The following GABRA2 variants were observed in gnomAD, a reference collection of about 807,000 sequenced individuals.
GABRA2 encodes the protein gamma-aminobutyric acid receptor subunit alpha-2.
Under a neutral mutation model 48.7 loss-of-function variants are expected in GABRA2, and 16 were observed. The observed-to-expected ratio is 0.33, with a 90% CI of 0.22 to 0.50. GABRA2 has a LOEUF of 0.50. GABRA2 is among the 20% of genes least tolerant of loss of function. The probability of loss-of-function intolerance (pLI) is 0.98; values close to 1 mark genes in which losing one functional copy is unlikely to be tolerated. For missense variants in GABRA2, 275 were observed against 535.6 expected (o/e 0.51, Z 4.80); for synonymous variants, 185 against 184.5 (o/e 1.00, Z -0.02).
Position 46,249,780 on chromosome 4 carries a change from G to A in GABRA2, c.*528C>T, listed in dbSNP as rs1714364551. The A allele has an allele frequency of 6.5e-6, 1 of 153,482 alleles. No individual in the cohort carries two copies. Among genetic ancestry groups the A allele is most frequent in the African/African-American group, 2.4e-5 (1 of 41,330 alleles). The allele number at this position is 153,482 out of a possible 1,614,324, so 9.5% of individuals were successfully genotyped here. On this transcript the variant is annotated 3_prime_UTR_variant, in exon 10 of 10. Coordinates refer to ENST00000381620, the MANE Select transcript of GABRA2 (RefSeq NM_000807.4). ...TAGATACTATATAGAGTAATTCATA[G>A]CTGATTTCAAATCTCTAGTTTTTCT...
At position 46,248,428 on chromosome 4, in the gene GABRA2, G is replaced by A; in HGVS notation, c.*1880C>T. On this transcript the variant is annotated 3_prime_UTR_variant, in exon 10 of 10. Coordinates refer to ENST00000381620, the MANE Select transcript of GABRA2 (RefSeq NM_000807.4). ...TGACAAAGAAAGTGTTACTGGAAGG[G>A]AATTAAAGAAATACATTTATTGGCT... The A allele has an allele frequency of 6.6e-6, 1 of 151,438 alleles. No homozygotes were observed. The highest frequency in any genetic ancestry group is 3.4e-3 in the Middle Eastern group (1 of 294). 9.4% of individuals were successfully genotyped at this position (151,438 alleles called of 1,614,324 possible). A position where few individuals can be genotyped will look rare whatever the true frequency, so the allele number is the denominator to read the frequency against.
At chr4:46,316,164 C>T (rs1653869989) in intron 4 of GABRA2, among the ~76,000 whole-genome samples, 1 of 151,852 alleles carries the variant, frequency 6.6e-6, no homozygotes, top group Admixed American at 6.6e-5. Context: ...TTTTCCTCAT[C>T]CTTATTTTTC....
At chr4:46,305,514 T>A (rs548767554) in intron 7 of GABRA2, 54 bp downstream of exon 7, 1 of 1,540,234 alleles carries the variant, frequency 6.5e-7, no homozygotes, top group South Asian at 1.2e-5. Flanking sequence ...TCCAAGTCCT[T>A]TAACCTATTA....
chr4:46,252,783 T>G (rs1179874154), intron 9 of GABRA2, among the ~76,000 whole-genome samples: 2 of 151,514 alleles, frequency 1.3e-5, no homozygotes, highest in Non-Finnish European at 3.0e-5. Context: ...TCATTTAAAA[T>G]GATATCAGAT....
At chr4:46,277,235 G>A (rs1036547128) in intron 8 of GABRA2, among the ~76,000 whole-genome samples, 1 of 152,070 alleles carries the variant, frequency 6.6e-6, no homozygotes, top group African/African-American at 2.4e-5. Context: ...AATGTATTTT[G>A]CTTCAGACAC....
At chr4:46,261,070 T>C (rs1354369808) in intron 9 of GABRA2, 2 of 151,892 alleles carry the variant, frequency 1.3e-5, no homozygotes, top group African/African-American at 4.8e-5. Context: ...TACAACTTTT[T>C]ACCATTATTA....
intron 3 of GABRA2, among the ~76,000 whole-genome samples, chr4:46,384,450 C>G (rs1232057182): frequency 6.6e-6 from 1 of 152,086 alleles, no homozygotes; most frequent in Non-Finnish European, 1.5e-5. Context: ...CAAGATTTTA[C>G]AAAAGAAATA....
intron 3 of GABRA2, among the ~76,000 whole-genome samples, chr4:46,341,276 A>AT (rs1461844880): frequency 6.6e-6 from 1 of 151,904 alleles, no homozygotes; most frequent in African/African-American, 2.4e-5. Context: ...TATGGAACAT[A>AT]TTTTCCTGTT....
intron 8 of GABRA2, among the ~76,000 whole-genome samples, chr4:46,285,014 G>A (rs1365126703): frequency 1.6e-5 from 2 of 124,710 alleles, no homozygotes; most frequent in African/African-American, 6.2e-5. Context: ...ATCCAATGAT[G>A]CTGCTCACCC....
intron 3 of GABRA2, among the ~76,000 whole-genome samples, chr4:46,362,924 G>C (rs901591771): frequency 6.6e-6 from 1 of 152,158 alleles, no homozygotes; most frequent in African/African-American, 2.4e-5. Flanking sequence ...TGTATCTCTA[G>C]TAATAAAATT....
At chr4:46,280,473 G>A (rs778445613) in intron 8 of GABRA2, among the ~76,000 whole-genome samples, 9 of 152,070 alleles carry the variant, frequency 5.9e-5, no homozygotes, top group Non-Finnish European at 8.8e-5. Flanking sequence ...GGGAGTTTGC[G>A]CCACATAAGG....
chr4:46,252,143 A>G (rs1025692249), intron 9 of GABRA2, among the ~76,000 whole-genome samples: 2 of 151,390 alleles, frequency 1.3e-5, no homozygotes, highest in African/African-American at 4.8e-5. Context: ...GAGATTCTAA[A>G]AACAGTCATG....
intron 4 of GABRA2, among the ~76,000 whole-genome samples, chr4:46,316,128 G>T (rs1010941543): frequency 2.8e-4 from 42 of 151,914 alleles, no homozygotes; most frequent in African/African-American, 1.0e-3. Context: ...TATATTGGAA[G>T]ACAAACTTCA....
At chr4:46,275,514 G>A (rs1720318339) in intron 8 of GABRA2, among the ~76,000 whole-genome samples, 1 of 152,078 alleles carries the variant, frequency 6.6e-6, no homozygotes, top group African/African-American at 2.4e-5. Flanking sequence ...CCCCTCTATA[G>A]AAGAGGTTCA....
intron 2 of GABRA2, chr4:46,386,893 G>T (rs1717537058): frequency 6.6e-6 from 1 of 152,166 alleles, no homozygotes; most frequent in Admixed American, 6.5e-5. Flanking sequence ...GAGCAATATT[G>T]TAAAGATTAA....
chr4:46,262,156 A>G (rs777061068), intron 8 of GABRA2, 28 bp from the exon 9 acceptor site: 2 of 1,591,540 alleles, frequency 1.3e-6, no homozygotes, highest in African/African-American at 1.3e-5. Context: ...GGAATCGAAA[A>G]CATCAATAGG....
chr4:46,308,648 CA>C (rs916289780), intron 6 of GABRA2, among the ~76,000 whole-genome samples: 1 of 152,134 alleles, frequency 6.6e-6, no homozygotes, highest in Non-Finnish European at 1.5e-5. Context: ...ATTACTTAAA[CA>C]AAAAATGCCT....
chr4:46,369,593 A>G (rs1255858144), intron 3 of GABRA2, among the ~76,000 whole-genome samples: 1 of 152,128 alleles, frequency 6.6e-6, no homozygotes, highest in Non-Finnish European at 1.5e-5. Flanking sequence ...TTTAGTTCCT[A>G]GAAACTGAAT....
At chr4:46,332,418 C>T (rs1331677213) in intron 4 of GABRA2, among the ~76,000 whole-genome samples, 197 bp downstream of exon 4, 1 of 152,060 alleles carries the variant, frequency 6.6e-6, no homozygotes, top group African/African-American at 2.4e-5. Context: ...ACGTAAAATA[C>T]ATAGGGCTAA....
Sources: allele counts gnomAD v4.1 joint callset (sites outside exome capture counted in the v4.1 genomes callset), GRCh38; gene constraint gnomAD v4.1.1; transcripts MANE v1.5; gene names NCBI Gene and HGNC (gene_info 2026-07-23, HGNC 2026-07-21).